Variants in HEATR5A observed in about 807,000 individuals in gnomAD.
The protein encoded by HEATR5A is HEAT repeat-containing protein 5A.
Under a neutral mutation model 218.8 loss-of-function variants are expected in HEATR5A, and 178 were observed. The observed-to-expected ratio is 0.81, with a 90% CI of 0.72 to 0.92. The LOEUF (loss-of-function observed/expected upper bound fraction) is 0.92, where lower values mean the gene tolerates loss of function less well. HEATR5A is among the 40% of genes least tolerant of loss of function. HEATR5A has a pLI of 0.00. For synonymous variants in HEATR5A, 864 were observed against 871.6 expected (o/e 0.99, Z 0.15); for missense variants, 2,420 against 2,418.9 (o/e 1.00, Z -0.01).
intron 27 of HEATR5A, among the ~76,000 whole-genome samples, chr14:31,313,568 T>G (rs983788161): frequency 2.0e-5 from 3 of 152,190 alleles, no homozygotes; most frequent in Non-Finnish European, 4.4e-5. Context: ...TTCATTCAAA[T>G]GTATCACTAA....
chr14:31,351,087 T>G (rs1356168539), intron 16 of HEATR5A, among the ~76,000 whole-genome samples: 1 of 152,158 alleles, frequency 6.6e-6, no homozygotes, highest in East Asian at 1.9e-4. Context: ...GGCCTCTCAA[T>G]ACCATTTAAA....
chr14:31,329,456 C>T (rs139660559), intron 22 of HEATR5A, among the ~76,000 whole-genome samples: 90 of 152,300 alleles, frequency 5.9e-4, no homozygotes, highest in Admixed American at 9.8e-4. Context: ...AGTCCCCACG[C>T]AAGTCCAAAA....
chr14:31,409,634 A>T (rs2031206245), intron 1 of HEATR5A, among the ~76,000 whole-genome samples: 1 of 152,118 alleles, frequency 6.6e-6, no homozygotes, highest in African/African-American at 2.4e-5. Flanking sequence ...AGGGAGATGG[A>T]GGCTGCAGTG....
chr14:31,328,795 G>T (rs764191109), intron 22 of HEATR5A, among the ~76,000 whole-genome samples: 1 of 151,694 alleles, frequency 6.6e-6, no homozygotes, highest in African/African-American at 2.4e-5. Context: ...CAGGAGAATC[G>T]CTTGAACCCA....
At chr14:31,371,210 A>G (rs1447197624) in intron 13 of HEATR5A, among the ~76,000 whole-genome samples, 4 of 152,222 alleles carry the variant, frequency 2.6e-5, no homozygotes, top group Admixed American at 2.6e-4. Context: ...AGTATTTACT[A>G]TCTGGTCCTT....
intron 6 of HEATR5A, among the ~76,000 whole-genome samples, chr14:31,390,341 T>C (rs1395904699): frequency 1.3e-5 from 2 of 152,042 alleles, no homozygotes; most frequent in African/African-American, 4.8e-5. Flanking sequence ...TGCTGCTGTG[T>C]TGAGAGAAGA....
chr14:31,307,925 G>A lies in HEATR5A; in HGVS notation c.4786C>T (p.Pro1596Ser). 1 of 1,613,680 alleles carries A rather than the reference G, an allele frequency of 6.2e-7. No homozygotes were observed. The highest frequency in any genetic ancestry group is 8.5e-7 in the Non-Finnish European group (1 of 1,179,786). The change falls in exon 30 of 36, where the codon CCT becomes TCT. Residue 1596 changes from proline (P) to serine (S), a missense_variant. Transcript: ENST00000543095. ...LHALQALLDVPWPRSKIGSDQ... is the reference protein window; with the variant it reads ...LHALQALLDVSWPRSKIGSDQ... The stretch of plus-strand genomic sequence containing the variant: ...CTGCCAATTTTTGATCTGGGCCAAG[G>A]TACATCTAGAAGTGCTTGCAATGCA...
At chr14:31,389,642 A>G (rs1231273459) in intron 6 of HEATR5A, among the ~76,000 whole-genome samples, 1 of 152,130 alleles carries the variant, frequency 6.6e-6, no homozygotes, top group Admixed American at 6.6e-5. Flanking sequence ...TGACTAGATA[A>G]TATTATCTCC....
Position 31,400,356 on chromosome 14 carries a change from A to G in HEATR5A, c.283T>C (p.Cys95Arg). The change falls in exon 3 of 36, where the codon TGT (cysteine) becomes CGT (arginine). Residue 95 changes from cysteine to arginine, a missense_variant. By Grantham distance (180) the Cys-to-Arg change is radical. Transcript: ENST00000543095. ...TCTTTGCTACGAATAAGATCATTAC[A>G]TTTATCGATTGCTTCATGAACGGAG... ...TFSVHEAIDK[C>R]NDLIRSKDDS... The G allele has an allele frequency of 6.5e-7, 1 of 1,535,926 alleles. No individual in the cohort carries two copies. The highest frequency in any genetic ancestry group is 8.7e-7 in the Non-Finnish European group (1 of 1,146,736).
chr14:31,302,741 T>A (rs1444452558), intron 32 of HEATR5A: 1 of 496,748 alleles, frequency 2.0e-6, no homozygotes, highest in Non-Finnish European at 3.6e-6. Flanking sequence ...TTAAATAAAT[T>A]GTGTGAGTAT....
At chr14:31,339,265 C>A (rs1331762597) in intron 21 of HEATR5A, among the ~76,000 whole-genome samples, 1 of 151,332 alleles carries the variant, frequency 6.6e-6, no homozygotes, top group African/African-American at 2.4e-5. Context: ...GCCTGGCCAA[C>A]ATGGTCAAGC....
chr14:31,367,987 A>G (rs1417085669), intron 13 of HEATR5A, among the ~76,000 whole-genome samples: 2 of 152,142 alleles, frequency 1.3e-5, no homozygotes, highest in Non-Finnish European at 2.9e-5. Flanking sequence ...TTTAAAAACA[A>G]AACGAAACTG....
At chr14:31,339,771 T>C (rs961783080) in intron 21 of HEATR5A, among the ~76,000 whole-genome samples, 1 of 152,184 alleles carries the variant, frequency 6.6e-6, no homozygotes, top group Non-Finnish European at 1.5e-5. Context: ...ACTATATTGT[T>C]AGCAGGTTAG....
Position 31,349,782 on chromosome 14 carries a change from C to A in HEATR5A, c.2708+7G>T. On this transcript the variant is annotated splice_region_variant and intron_variant, in intron 18 of 35. Coordinates refer to ENST00000543095, the MANE Select transcript of HEATR5A (RefSeq NM_015473.4). ...GCCTCTGAATATTAAATAAGAAATT[C>A]ACTTACTTGTCAAAGCTAACTTGAG... The A allele has an allele frequency of 6.3e-7, 1 of 1,597,046 alleles. No homozygotes were observed. The highest frequency in any genetic ancestry group is 1.1e-5 in the South Asian group (1 of 90,054).
At chr14:31,390,531 G>C (rs1464644156) in intron 6 of HEATR5A, among the ~76,000 whole-genome samples, 1 of 152,092 alleles carries the variant, frequency 6.6e-6, no homozygotes, top group Non-Finnish European at 1.5e-5. Flanking sequence ...TTAGAAAAAA[G>C]CTGTAAGAAT....
At chr14:31,346,002 A>C (rs1901008689) in intron 19 of HEATR5A, among the ~76,000 whole-genome samples, 1 of 152,220 alleles carries the variant, frequency 6.6e-6, no homozygotes, top group African/African-American at 2.4e-5. Context: ...TAATAGATTC[A>C]TTGCAGTATA....
intron 1 of HEATR5A, among the ~76,000 whole-genome samples, chr14:31,403,309 T>A (rs1033201113): frequency 1.3e-5 from 2 of 152,164 alleles, no homozygotes; most frequent in Non-Finnish European, 2.9e-5. Flanking sequence ...GAAGAGACAT[T>A]CCACTAAAAT....
chr14:31,305,276 T>G, intron 31 of HEATR5A, 99 bp from the exon 32 acceptor site: 1 of 1,291,352 alleles, frequency 7.7e-7, no homozygotes, highest in South Asian at 1.3e-5. Flanking sequence ...GTATTTTATT[T>G]TTTTGAGACA....
At chr14:31,390,236 G>A (rs2139288357) in intron 6 of HEATR5A, among the ~76,000 whole-genome samples, 1 of 152,236 alleles carries the variant, frequency 6.6e-6, no homozygotes, top group East Asian at 1.9e-4. Flanking sequence ...GAGGGCAGAA[G>A]ATATAGGACC....
Sources: allele counts gnomAD v4.1 joint callset (sites outside exome capture counted in the v4.1 genomes callset), GRCh38; gene constraint gnomAD v4.1.1; transcripts MANE v1.5; gene names NCBI Gene and HGNC (gene_info 2026-07-23, HGNC 2026-07-21).